NDRG4: variants seen among roughly 807,000 people sequenced by gnomAD.
NDRG4 encodes the protein NDRG family member 4.
In NDRG4, 38 loss-of-function variants were observed where a neutral mutation model predicts 55.8. That is an observed-to-expected ratio of 0.68 (90% CI 0.53 to 0.89). The LOEUF (loss-of-function observed/expected upper bound fraction) is 0.89, where lower values mean the gene tolerates loss of function less well. NDRG4 is among the 40% of genes least tolerant of loss of function. The pLI is 0.00. For missense variants in NDRG4, 455 were observed against 468.6 expected, an observed-to-expected ratio of 0.97 and a Z score of 0.27; for synonymous variants, 190 against 182.7, an observed-to-expected ratio of 1.04 and a Z score of -0.32.
intron 1 of NDRG4, among the ~76,000 whole-genome samples, chr16:58,474,168 C>CT (rs1269294647): frequency 6.6e-6 from 1 of 151,454 alleles, no homozygotes; most frequent in East Asian, 2.0e-4. Context: ...TCCCAAGTAG[C>CT]TGGGATTACA....
chr16:58,511,937 GGGTGGGT>G lies in NDRG4; in HGVS notation c.*363_*369del, dbSNP rs1199758883. On this transcript the variant is annotated 3_prime_UTR_variant, in exon 15 of 15. Transcript: ENST00000570248. The stretch of plus-strand genomic sequence containing the variant: ...TTTGGAGATGAGAGAGGCTTCGAGA[GGGTGGGT>G]GCTGGGCCACAGGGGTGCGGGGCCA... 10 of 452,582 alleles carry G rather than the reference GGGTGGGT, an allele frequency of 2.2e-5. No individual in the cohort carries two copies. Among genetic ancestry groups the G allele is most frequent in the South Asian group, 6.6e-5 (4 of 60,650 alleles). 28.0% of individuals were successfully genotyped at this position (452,582 alleles called of 1,614,324 possible).
At chr16:58,493,989 C>T (rs534938592) in intron 2 of NDRG4, among the ~76,000 whole-genome samples, 11 of 152,278 alleles carry the variant, frequency 7.2e-5, no homozygotes, top group South Asian at 2.1e-4. Context: ...AACTCAGACG[C>T]GGGGTTCCAG....
At chr16:58,471,617 C>A (rs1245243270) in intron 1 of NDRG4, among the ~76,000 whole-genome samples, 1 of 152,212 alleles carries the variant, frequency 6.6e-6, no homozygotes, top group Non-Finnish European at 1.5e-5. Flanking sequence ...ACCACCCCCT[C>A]CCTGCCTCTT....
At chr16:58,477,393 G>A (rs1455356810) in intron 1 of NDRG4, among the ~76,000 whole-genome samples, 23 of 152,104 alleles carry the variant, frequency 1.5e-4, no homozygotes, top group Admixed American at 1.5e-3. Context: ...AACATGTAAT[G>A]AGGCTAGAAT....
intron 2 of NDRG4, among the ~76,000 whole-genome samples, chr16:58,492,711 T>A (rs989545975): frequency 6.6e-6 from 1 of 152,112 alleles, no homozygotes; most frequent in Admixed American, 6.6e-5. Context: ...CCGGCCTTCT[T>A]TTTTGTTAGC....
intron 1 of NDRG4, among the ~76,000 whole-genome samples, chr16:58,473,937 C>T (rs2033222989): frequency 6.6e-6 from 1 of 151,976 alleles, no homozygotes; most frequent in Non-Finnish European, 1.5e-5. Flanking sequence ...GGGACCAGCA[C>T]TCCAACGCTT....
At chr16:58,478,940 T>TA (rs1436394677) in intron 1 of NDRG4, among the ~76,000 whole-genome samples, 2 of 152,168 alleles carry the variant, frequency 1.3e-5, no homozygotes, top group Non-Finnish European at 2.9e-5. Flanking sequence ...GAAGCATTGT[T>TA]ACAGTTTACC....
At chr16:58,484,731 G>A (rs2034871079) in intron 1 of NDRG4, among the ~76,000 whole-genome samples, 1 of 152,148 alleles carries the variant, frequency 6.6e-6, no homozygotes, top group East Asian at 1.9e-4. Flanking sequence ...CATGATGGAA[G>A]GGAAAGAGCC....
intron 5 of NDRG4, 29 bp from the exon 6 acceptor site, chr16:58,506,358 G>A (rs755984010): frequency 2.9e-5 from 46 of 1,608,406 alleles, no homozygotes; most frequent in South Asian, 2.7e-4. Context: ...TCCTGGCCCC[G>A]CCCGGCCCTG....
At chr16:58,498,462 G>A (rs886339975), upstream of NDRG4, among the ~76,000 whole-genome samples, 3 of 152,094 alleles carry the variant, frequency 2.0e-5, no homozygotes, top group Non-Finnish European at 4.4e-5. Flanking sequence ...CAGAGATGAA[G>A]AGATGACCAC....
intron 13 of NDRG4, among the ~76,000 whole-genome samples, chr16:58,509,614 G>A (rs1030995319): frequency 3.9e-5 from 6 of 152,206 alleles, no homozygotes; most frequent in African/African-American, 9.6e-5. Flanking sequence ...TGGCAGTGCT[G>A]GGCCTACTGG....
intron 1 of NDRG4, chr16:58,501,600 C>T (rs1288142655): frequency 5.3e-6 from 1 of 189,132 alleles, no homozygotes; most frequent in East Asian, 1.4e-4. Context: ...GAGTCCTGAG[C>T]TCTCCGCAGA....
chr16:58,465,605 T>C (rs1200206434), intron 1 of NDRG4, among the ~76,000 whole-genome samples: 2 of 151,756 alleles, frequency 1.3e-5, no homozygotes, highest in Non-Finnish European at 1.5e-5. Context: ...TTTTATTAAA[T>C]CGGCAGTAGC....
In NDRG4 at chr16:58,493,755, C is replaced by T. The variant is rs375486171; in HGVS notation, c.73-1209C>T. Among the ~76,000 whole-genome samples, 84 of 152,284 alleles carry T rather than the reference C, an allele frequency of 5.5e-4. No homozygotes were observed. The South Asian group carries it at 7.9e-3, about 14-fold the overall frequency. ...CGGGGCAGAGAGGTTTCTAGGCAGA[C>T]GCAGGGGAAGGCAAGGCAGAACCTG... is the stretch of plus-strand genomic sequence containing the variant. On this transcript the variant is annotated intron_variant, in intron 2 of 15. Coordinates refer to the NDRG4 transcript ENST00000258187.
intron 14 of NDRG4, chr16:58,510,998 A>G: frequency 1.9e-6 from 1 of 513,848 alleles, no homozygotes; most frequent in South Asian, 3.0e-5. Flanking sequence ...GGTGGCCAGG[A>G]GAGTTCCGGA....
intron 1 of NDRG4, among the ~76,000 whole-genome samples, chr16:58,471,388 G>A (rs1021290462): frequency 1.3e-5 from 2 of 151,976 alleles, no homozygotes; most frequent in Non-Finnish European, 2.9e-5. Flanking sequence ...AGAACAGCAC[G>A]GTGGGTTGGA....
intron 1 of NDRG4, chr16:58,487,646 G>A: frequency 1.3e-6 from 1 of 787,126 alleles, no homozygotes; most frequent in Non-Finnish European, 1.9e-6. Flanking sequence ...GGGGGCCAGG[G>A]GGACAGTGCA....
downstream of NDRG4, chr16:58,513,649 ACT>A (rs2039020305): frequency 9.0e-6 from 1 of 111,652 alleles, no homozygotes. Flanking sequence ...TTCTCCCCTG[ACT>A]CTGTGACAAA....
chr16:58,489,481 C>CT (rs1222364714), intron 2 of NDRG4, among the ~76,000 whole-genome samples: 1 of 151,722 alleles, frequency 6.6e-6, no homozygotes, highest in Non-Finnish European at 1.5e-5. Flanking sequence ...GCAGGGCTGG[C>CT]TCCACTCCTT....
Sources: allele counts gnomAD v4.1 joint callset (sites outside exome capture counted in the v4.1 genomes callset), GRCh38; gene constraint gnomAD v4.1.1; transcripts MANE v1.5; gene names NCBI Gene and HGNC (gene_info 2026-07-23, HGNC 2026-07-21).